Variants in TLL2 observed in about 807,000 individuals in gnomAD.
The protein encoded by TLL2 is tolloid-like protein 2.
In TLL2, 106 loss-of-function variants were observed where a neutral mutation model predicts 123.0. The ratio of observed to expected loss-of-function variants is 0.86; its 90% confidence interval spans 0.74 to 1.01. The LOEUF (loss-of-function observed/expected upper bound fraction) is 1.01. Among genes scored for constraint, TLL2 ranks in the 50% least tolerant of loss-of-function variants. The probability of loss-of-function intolerance (pLI) is 0.00; values close to 1 mark genes in which losing one functional copy is unlikely to be tolerated. For synonymous variants in TLL2, 494 were observed against 516.8 expected (o/e 0.96, Z 0.60); for missense variants, 1,332 against 1,336.7 (o/e 1.00, Z 0.06).
intron 8 of TLL2, among the ~76,000 whole-genome samples, chr10:96,412,637 C>G: frequency 6.6e-6 from 1 of 152,178 alleles, no homozygotes; most frequent in Non-Finnish European, 1.5e-5. Context: ...TGGCAGACTC[C>G]TGGCCACTGA....
intron 1 of TLL2, among the ~76,000 whole-genome samples, chr10:96,490,957 A>G (rs1472409775): frequency 1.3e-5 from 2 of 152,232 alleles, no homozygotes; most frequent in Non-Finnish European, 2.9e-5. Flanking sequence ...CTCTGTTTCC[A>G]ACTATGACCC....
chr10:96,486,563 C>CG (rs1847358322), intron 1 of TLL2, among the ~76,000 whole-genome samples: 1 of 151,990 alleles, frequency 6.6e-6, no homozygotes, highest in Non-Finnish European at 1.5e-5. Flanking sequence ...CTTTGACACT[C>CG]GGGGGTTTTG....
At chr10:96,430,881 C>CA (rs988273307) in intron 4 of TLL2, among the ~76,000 whole-genome samples, 3 of 151,774 alleles carry the variant, frequency 2.0e-5, no homozygotes, top group African/African-American at 7.3e-5. Flanking sequence ...GACCCTGTCT[C>CA]AAAAAAATAA....
chr10:96,405,398 C>G, intron 9 of TLL2, 64 bp from the exon 10 acceptor site: 2 of 1,458,842 alleles, frequency 1.4e-6, no homozygotes, highest in African/African-American at 1.4e-5. Flanking sequence ...GAAGATATAT[C>G]TTGCATACTG....
chr10:96,441,960 G>C (rs1403449577), intron 3 of TLL2, among the ~76,000 whole-genome samples: 2 of 152,174 alleles, frequency 1.3e-5, no homozygotes, highest in Non-Finnish European at 2.9e-5. Flanking sequence ...CCTAGGAAAT[G>C]TTACTGAAAG....
chr10:96,447,324 G>T (rs1846905397), intron 2 of TLL2, among the ~76,000 whole-genome samples: 1 of 152,212 alleles, frequency 6.6e-6, no homozygotes, highest in Non-Finnish European at 1.5e-5. Context: ...CCCTGCAGAG[G>T]GTTTAAAGCA....
chr10:96,369,785 G>A (rs929258158), intron 20 of TLL2, among the ~76,000 whole-genome samples: 1 of 151,286 alleles, frequency 6.6e-6, no homozygotes, highest in African/African-American at 2.4e-5. Context: ...GGAGGGGAGA[G>A]GGAAAGCCTT....
chr10:96,485,394 T>C (rs2134106705), intron 1 of TLL2, among the ~76,000 whole-genome samples: 1 of 152,316 alleles, frequency 6.6e-6, no homozygotes, highest in East Asian at 1.9e-4. Flanking sequence ...GTGCAAGTCA[T>C]ATATCTTATA....
chr10:96,476,248 T>TTGTTG lies in TLL2; in HGVS notation c.286+4100_286+4101insCAACA, dbSNP rs1554939657. On this transcript the variant is annotated intron_variant, in intron 2 of 20. Transcript: ENST00000357947. Reference sequence around the variant, plus strand: ...TATATATATATATATATATTTTATTTTTGTTGTTGTTGTTGTTGTTGAGAC... The same window carrying TTGTTG: ...TATATATATATATATATATTTTATTTTGTTGTTGTTGTTGTTGTTGTTGTTGAGAC... 2.2e-4 allele frequency among the ~76,000 whole-genome samples: 15 copies of TTGTTG among 69,216 alleles called. No homozygotes were observed. In the South Asian group the frequency reaches 2.4e-3, roughly 11 times the overall value. 45.4% of individuals were successfully genotyped at this position (69,216 alleles called of 152,430 possible).
At position 96,371,688 on chromosome 10, in the gene TLL2, C is replaced by T. The variant is rs569167135; in HGVS notation, c.2663-1373G>A. ...CAGGGTGGGACGCCTCCCCTCCATC[C>T]GGCCGGACGCCCCCACCCTCCCCAC... is the stretch of plus-strand genomic sequence containing the variant. On this transcript the variant is annotated intron_variant, in intron 19 of 20. Coordinates refer to ENST00000357947, the MANE Select transcript of TLL2 (RefSeq NM_012465.4). Among the ~76,000 whole-genome samples, 4 of 152,222 alleles carry T rather than the reference C, an allele frequency of 2.6e-5. 1 individual carries two copies. Among genetic ancestry groups the T allele is most frequent in the South Asian group, 4.1e-4 (2 of 4,824 alleles).
intron 1 of TLL2, among the ~76,000 whole-genome samples, chr10:96,501,058 T>A (rs962397619): frequency 6.6e-6 from 1 of 152,170 alleles, no homozygotes; most frequent in African/African-American, 2.4e-5. Context: ...GTTGCAAACA[T>A]GCCTAGAAAA....
intron 3 of TLL2, among the ~76,000 whole-genome samples, chr10:96,433,818 T>A (rs1263302331): frequency 6.6e-6 from 1 of 152,186 alleles, no homozygotes; most frequent in Admixed American, 6.5e-5. Flanking sequence ...TCTCACTCTA[T>A]CACCCAGGTT....
At position 96,422,552 on chromosome 10, in the gene TLL2, G is replaced by T; in HGVS notation, c.814C>A (p.Pro272Thr). Reference sequence around the variant, plus strand: ...GACTCCACACAGGCCTCCTTACCTGGCTGGATGTTTTCCCTGATGATGGTG... The same window carrying T: ...GACTCCACACAGGCCTCCTTACCTGTCTGGATGTTTTCCCTGATGATGGTG... ...HVTIIRENIQ[P>T]GQEYNFLKME... The change falls in exon 6 of 21, where the codon CCA becomes ACA. Residue 272 changes from proline (P) to threonine (T), a missense_variant. Pro to Thr is a conservative substitution (Grantham distance 38). Transcript: ENST00000357947. The T allele has an allele frequency of 6.2e-7, 1 of 1,613,970 alleles. No individual in the cohort carries two copies.
chr10:96,429,074 A>G (rs1441248510), intron 4 of TLL2, among the ~76,000 whole-genome samples: 1 of 152,142 alleles, frequency 6.6e-6, no homozygotes, highest in African/African-American at 2.4e-5. Context: ...AAGTGCTGGG[A>G]TTACATGCAT....
intron 7 of TLL2, among the ~76,000 whole-genome samples, chr10:96,416,961 C>A (rs1846568826): frequency 6.6e-6 from 1 of 152,154 alleles, no homozygotes; most frequent in Non-Finnish European, 1.5e-5. Context: ...GGATCTTTGC[C>A]CAGCAAAACC....
chr10:96,381,609 C>T (rs575296560), intron 16 of TLL2, among the ~76,000 whole-genome samples: 2 of 152,310 alleles, frequency 1.3e-5, no homozygotes, highest in East Asian at 3.9e-4. Context: ...AAAGTCTTCA[C>T]CCACTGCTCC....
At chr10:96,368,597 T>C (rs966175084) in intron 20 of TLL2, among the ~76,000 whole-genome samples, 5 of 152,206 alleles carry the variant, frequency 3.3e-5, no homozygotes, top group African/African-American at 9.6e-5. Context: ...TTCTCGCAGG[T>C]AGGCGGGACC....
chr10:96,421,034 T>C lies in TLL2; in HGVS notation c.845A>G (p.Glu282Gly). 1 of 1,614,062 alleles carries C rather than the reference T, an allele frequency of 6.2e-7. No homozygotes were observed. Among genetic ancestry groups the C allele is most frequent in the South Asian group, 1.1e-5 (1 of 91,078 alleles). Residue 282 changes from glutamate to glycine, a missense_variant, in exon 7 of 21, where the codon GAA becomes GGA. Glu to Gly is a moderately conservative substitution (Grantham distance 98, BLOSUM62 -2). Transcript: ENST00000357947. ...TCCCAGAGAGCTCACTTCCCCAGCTTCCATTTTTAAGAAATTATACTCCTG... is the reference window on the plus strand; with the variant it reads ...TCCCAGAGAGCTCACTTCCCCAGCTCCCATTTTTAAGAAATTATACTCCTG... ...PGQEYNFLKM[E>G]AGEVSSLGET...
chr10:96,426,799 CTGTT>C (rs763850669), intron 5 of TLL2, among the ~76,000 whole-genome samples: 28 of 152,146 alleles, frequency 1.8e-4, no homozygotes, highest in South Asian at 6.2e-4. Flanking sequence ...CTGTTGTTTT[CTGTT>C]TGTTTGTTTA....
Sources: allele counts gnomAD v4.1 joint callset (sites outside exome capture counted in the v4.1 genomes callset), GRCh38; gene constraint gnomAD v4.1.1; transcripts MANE v1.5; gene names NCBI Gene and HGNC (gene_info 2026-07-23, HGNC 2026-07-21).